The following SRSF4 variants were observed in gnomAD, a reference collection of about 807,000 sequenced individuals.
The protein encoded by SRSF4 is serine/arginine-rich splicing factor 4.
Under a neutral mutation model 48.8 loss-of-function variants are expected in SRSF4, and 12 were observed. That is an observed-to-expected ratio of 0.25 (90% CI 0.16 to 0.40). SRSF4 has a LOEUF of 0.40. Ranked by LOEUF, SRSF4 falls within the 10% of genes least tolerant of loss-of-function variation. SRSF4 has a pLI of 1.00. For synonymous variants in SRSF4, 248 were observed against 232.5 expected (o/e 1.07, Z -0.61); for missense variants, 466 against 667.1 (o/e 0.70, Z 3.32).
intron 1 of SRSF4, chr1:29,172,154 A>G (rs1300841964): frequency 6.6e-6 from 1 of 152,198 alleles, no homozygotes; most frequent in Non-Finnish European, 1.5e-5. Flanking sequence ...TAATAAAAAA[A>G]AATTTGATCA....
chr1:29,154,455 A>C (rs1165983317), intron 4 of SRSF4: 7 of 476,096 alleles, frequency 1.5e-5, no homozygotes. Flanking sequence ...TTGGCCTCCC[A>C]AAGTGCTGGG....
chr1:29,166,212 A>T (rs1007899123), intron 1 of SRSF4: 1 of 152,256 alleles, frequency 6.6e-6, no homozygotes, highest in African/African-American at 2.4e-5. Context: ...GGAATCAAAC[A>T]GCTTTGTTTC....
At position 29,181,625 on chromosome 1, in the gene SRSF4, A is replaced by T; in HGVS notation, c.107+21T>A. 1.9e-6 allele frequency: 3 copies of T among 1,567,114 alleles called. 1 individual carries two copies. The South Asian group carries it at 3.5e-5, about 18-fold the overall frequency. Reference sequence around the variant, plus strand: ...ATGGGGTCTGTCCCCGCCCGGCCGGACCCTCTTTCGCCCTCCTCACCCGTT... The same window carrying T: ...ATGGGGTCTGTCCCCGCCCGGCCGGTCCCTCTTTCGCCCTCCTCACCCGTT... On this transcript the variant is annotated intron_variant, in intron 1 of 5. Coordinates refer to ENST00000373795, the MANE Select transcript of SRSF4 (RefSeq NM_005626.5).
At chr1:29,153,726 G>T (rs928331774) in intron 4 of SRSF4, among the ~76,000 whole-genome samples, 1 of 151,678 alleles carries the variant, frequency 6.6e-6, no homozygotes, top group African/African-American at 2.4e-5. Context: ...AGCCTCCCGA[G>T]TAGCTGGGAT....
At position 29,149,173 on chromosome 1, in the gene SRSF4, CGGCTCCGACTCT is replaced by C. The variant is rs770269736; in HGVS notation, c.710_721del (p.Gln237_Ser240del). On this transcript the variant is annotated inframe_deletion, in exon 6 of 6. Transcript: ENST00000373795. ...GCTCCTGCTTTTCTCTTTCTTGCTC[CGGCTCCGACTCT>C]GGCTCCGGCTCCGGCTCTTGCTCCG... 2 of 1,606,636 alleles carry C rather than the reference CGGCTCCGACTCT, an allele frequency of 1.2e-6. No individual in the cohort carries two copies. Among genetic ancestry groups the C allele is most frequent in the South Asian group, 1.1e-5 (1 of 90,670 alleles).
intron 2 of SRSF4, chr1:29,159,725 C>T (rs1672563612): frequency 6.2e-6 from 2 of 320,804 alleles, no homozygotes; most frequent in Admixed American, 4.5e-5. Flanking sequence ...TTAAGATTAA[C>T]ATGCATAAAT....
chr1:29,164,134 C>T (rs372218146), intron 1 of SRSF4, among the ~76,000 whole-genome samples: 5 of 152,154 alleles, frequency 3.3e-5, no homozygotes, highest in African/African-American at 7.2e-5. Flanking sequence ...TACAGGCACA[C>T]GCCACTGTGC....
intron 1 of SRSF4, chr1:29,168,974 C>T (rs946274442): frequency 7.2e-5 from 11 of 152,244 alleles, no homozygotes; most frequent in Middle Eastern, 3.4e-3. Context: ...CAGAAAAGTA[C>T]CATGCAGATG....
At chr1:29,171,770 G>A (rs1672748092) in intron 1 of SRSF4, 1 of 152,066 alleles carries the variant, frequency 6.6e-6, no homozygotes, top group African/African-American at 2.4e-5. Flanking sequence ...TTTTATTACC[G>A]AGTCTATATC....
rs3061128 is a variant in SRSF4 at position 29,178,353 on chromosome 1, C to CTTTTTTTTTTTTTT, written c.107+3292_107+3293insAAAAAAAAAAAAAA. Reference sequence around the variant, plus strand: ...AAAATCTGTTTCTGAGTTTCAATTACTTTTTTTTTTGAGACAGAGTCTCGC... The same window carrying CTTTTTTTTTTTTTT: ...AAAATCTGTTTCTGAGTTTCAATTACTTTTTTTTTTTTTTTTTTTTTTTTGAGACAGAGTCTCGC... On this transcript the variant is annotated intron_variant, in intron 1 of 5. Coordinates refer to ENST00000373795, the MANE Select transcript of SRSF4 (RefSeq NM_005626.5). Among the ~76,000 whole-genome samples the CTTTTTTTTTTTTTT allele has an allele frequency of 8.3e-4, 106 of 127,902 alleles. 1 individual carries two copies. The highest frequency in any genetic ancestry group is 1.1e-3 in the African/African-American group (38 of 33,810). The allele number at this position is 127,902 out of a possible 152,430, so 83.9% of individuals were successfully genotyped here.
At chr1:29,181,372 C>A (rs904226698) in intron 1 of SRSF4, among the ~76,000 whole-genome samples, 1 of 152,168 alleles carries the variant, frequency 6.6e-6, no homozygotes, top group Admixed American at 6.5e-5. Flanking sequence ...CTGTGCCCCC[C>A]TGCCCGGAGC....
intron 3 of SRSF4, 21 bp from the exon 4 acceptor site, chr1:29,154,931 GACT>G (rs756472544): frequency 1.6e-5 from 25 of 1,598,358 alleles, no homozygotes; most frequent in South Asian, 2.3e-5. Context: ...AAAAAAGTGT[GACT>G]ACATTAGGAT....
At chr1:29,156,097 G>T (rs1003490335) in intron 3 of SRSF4, among the ~76,000 whole-genome samples, 1 of 152,182 alleles carries the variant, frequency 6.6e-6, no homozygotes, top group Non-Finnish European at 1.5e-5. Context: ...GCTCACACCT[G>T]TAATCCCAAC....
intron 4 of SRSF4, among the ~76,000 whole-genome samples, chr1:29,151,892 G>C (rs573724583): frequency 6.6e-6 from 1 of 152,210 alleles, no homozygotes; most frequent in Admixed American, 6.5e-5. Flanking sequence ...AAGGCAAAAT[G>C]CTATCTGTTA....
chr1:29,163,570 T>C (rs1672629241), intron 1 of SRSF4, among the ~76,000 whole-genome samples: 1 of 152,176 alleles, frequency 6.6e-6, no homozygotes, highest in African/African-American at 2.4e-5. Context: ...ATTCAATAAA[T>C]AGAGTGAATA....
chr1:29,177,175 A>G (rs1672881684), intron 1 of SRSF4, among the ~76,000 whole-genome samples: 1 of 151,848 alleles, frequency 6.6e-6, no homozygotes, highest in Non-Finnish European at 1.5e-5. Context: ...AAAGCCAACA[A>G]AAGTTACCAC....
In SRSF4 at chr1:29,147,971, A is replaced by G. The variant is rs1382039119; in HGVS notation, c.*439T>C. 1 of 424,832 alleles carries G rather than the reference A, an allele frequency of 2.4e-6. No individual in the cohort carries two copies. Among genetic ancestry groups the G allele is most frequent in the Non-Finnish European group, 4.8e-6 (1 of 208,728 alleles). 26.3% of individuals were successfully genotyped at this position (424,832 alleles called of 1,614,324 possible). On this transcript the variant is annotated 3_prime_UTR_variant, in exon 6 of 6. Transcript: ENST00000373795. ...TATTCACAACTTTGTTAAGTCCAAA[A>G]ATATGAAACCAAAGTGGTAGGAAAC...
chr1:29,151,682 G>A (rs1672409854), intron 4 of SRSF4, among the ~76,000 whole-genome samples: 1 of 152,180 alleles, frequency 6.6e-6, no homozygotes, highest in Non-Finnish European at 1.5e-5. Flanking sequence ...CATGAATATG[G>A]CCTGGGCATT....
intron 1 of SRSF4, among the ~76,000 whole-genome samples, chr1:29,164,416 A>G (rs916387071): frequency 3.4e-4 from 52 of 152,266 alleles, no homozygotes; most frequent in African/African-American, 1.1e-3. Flanking sequence ...AAGTAACGTG[A>G]AACAAATCTC....
Sources: allele counts gnomAD v4.1 joint callset (sites outside exome capture counted in the v4.1 genomes callset), GRCh38; gene constraint gnomAD v4.1.1; transcripts MANE v1.5; gene names NCBI Gene and HGNC (gene_info 2026-07-23, HGNC 2026-07-21).